The following CLYBL variants were observed in gnomAD, a reference collection of about 807,000 sequenced individuals.
The protein encoded by CLYBL is citramalyl-CoA lyase.
Under a neutral mutation model 38.9 loss-of-function variants are expected in CLYBL, and 31 were observed. The ratio of observed to expected loss-of-function variants is 0.80; its 90% CI spans 0.60 to 1.08. CLYBL has a LOEUF of 1.08. CLYBL is among the 50% of genes least tolerant of loss of function. The pLI, the probability that CLYBL is intolerant of heterozygous loss-of-function variation, is 0.00. For missense variants in CLYBL, 434 were observed against 411.6 expected, an observed-to-expected ratio of 1.05 and a Z score of -0.47; for synonymous variants, 171 against 158.6, an observed-to-expected ratio of 1.08 and a Z score of -0.59.
intron 2 of CLYBL, among the ~76,000 whole-genome samples, chr13:99,789,751 C>A (rs2049876259): frequency 6.6e-6 from 1 of 152,052 alleles, no homozygotes; most frequent in Admixed American, 6.6e-5. Context: ...CCTGGATATC[C>A]TTGTTAACTT....
chr13:99,864,944 T>C, intron 5 of CLYBL, 33 bp downstream of exon 5: 1 of 1,287,958 alleles, frequency 7.8e-7, no homozygotes, highest in South Asian at 1.2e-5. Flanking sequence ...TCTTTTTCTG[T>C]GTGTGTGTGT....
intron 1 of CLYBL, among the ~76,000 whole-genome samples, chr13:99,731,705 G>A (rs957587749): frequency 6.6e-6 from 1 of 152,186 alleles, no homozygotes; most frequent in Non-Finnish European, 1.5e-5. Context: ...ACGTGCTGGG[G>A]CCACATGGAC....
At chr13:99,656,406 C>T (rs143589250) in intron 1 of CLYBL, among the ~76,000 whole-genome samples, 43 of 152,262 alleles carry the variant, frequency 2.8e-4, no homozygotes, top group South Asian at 2.7e-3. Context: ...TCTGTCATCC[C>T]GCCATTTGTC....
At chr13:99,902,016 T>A (rs1566373612), downstream of CLYBL, among the ~76,000 whole-genome samples, 3 of 152,182 alleles carry the variant, frequency 2.0e-5, no homozygotes, top group Non-Finnish European at 2.9e-5. Flanking sequence ...AGGAAGATGA[T>A]GATCTGCAAA....
rs2051289185 is a variant in CLYBL at position 99,849,818 on chromosome 13, T to C, written c.250-9043T>C. ...GCAGCAGAGAGCCAGCACCAGCCAG[T>C]TGCCAGTCAGGGCCAGGGCAAGGCA... On this transcript the variant is annotated intron_variant, in intron 2 of 8. Transcript: ENST00000339105. The surrounding 1 kb of genome is among the most constrained non-coding windows in gnomAD (Gnocchi z 4.9). Among the ~76,000 whole-genome samples the C allele has an allele frequency of 6.6e-6, 1 of 152,150 alleles. No homozygotes were observed. The highest frequency in any genetic ancestry group is 1.5e-5 in the Non-Finnish European group (1 of 68,018).
At chr13:99,659,973 C>G (rs2047385906) in intron 1 of CLYBL, among the ~76,000 whole-genome samples, 1 of 152,254 alleles carries the variant, frequency 6.6e-6, no homozygotes, top group Middle Eastern at 3.4e-3. Context: ...AATAAGGCCA[C>G]ACACGCATTT....
chr13:99,776,069 CAGG>C, intron 2 of CLYBL, among the ~76,000 whole-genome samples: 1 of 151,030 alleles, frequency 6.6e-6, no homozygotes, highest in African/African-American at 2.4e-5. Context: ...GAGGCTGAGG[CAGG>C]AGAATGGTGT....
chr13:99,765,789 C>A (rs1345750251), intron 1 of CLYBL, among the ~76,000 whole-genome samples: 3 of 151,988 alleles, frequency 2.0e-5, no homozygotes, highest in African/African-American at 7.2e-5. Flanking sequence ...AAGCAATCCA[C>A]CCGCCTTGGC....
intron 1 of CLYBL, among the ~76,000 whole-genome samples, chr13:99,704,344 C>T (rs1383475020): frequency 1.3e-5 from 2 of 152,170 alleles, no homozygotes; most frequent in Non-Finnish European, 2.9e-5. Flanking sequence ...TTGATGGTTA[C>T]TTTCTCTTTT....
At position 99,904,890 on chromosome 13, in the gene CLYBL, C is replaced by G. The variant is rs536585953; in HGVS notation, c.*25-380C>G. ...AAAAGAGGCCCTGAAAGGGCAGCCT[C>G]CCTCTTGTAAGAAGCTCAACTGGGA... On this transcript the variant is annotated intron_variant and NMD_transcript_variant, in intron 8 of 9. Transcript: ENST00000689673. Among the ~76,000 whole-genome samples, 4 of 152,352 alleles carry G rather than the reference C, an allele frequency of 2.6e-5. No homozygotes were observed. The South Asian group carries it at 8.3e-4, about 32-fold the overall frequency.
rs568367220 is a variant in CLYBL, at chr13:99,654,422, G to A, written c.62+47665G>A. Among the ~76,000 whole-genome samples the A allele has an allele frequency of 5.3e-5, 8 of 152,240 alleles. 1 individual carries two copies. The highest frequency in any genetic ancestry group is 1.2e-4 in the African/African-American group (5 of 41,546). On this transcript the variant is annotated intron_variant, in intron 1 of 8. Coordinates refer to ENST00000339105, the MANE Select transcript of CLYBL (RefSeq NM_206808.5). The stretch of plus-strand genomic sequence containing the variant: ...CTGGCTGGGGCTCGTGTCCTCCTCC[G>A]TACCCTCATCCCAAGCCCCAGTGCG...
intron 1 of CLYBL, among the ~76,000 whole-genome samples, chr13:99,764,237 T>G (rs970482763): frequency 1.3e-5 from 2 of 151,996 alleles, no homozygotes; most frequent in African/African-American, 4.8e-5. Context: ...TTTTTTTTCT[T>G]TTCTTTTGGG....
At chr13:99,742,866 A>C (rs575489656) in intron 1 of CLYBL, among the ~76,000 whole-genome samples, 1 of 152,124 alleles carries the variant, frequency 6.6e-6, no homozygotes, top group Non-Finnish European at 1.5e-5. Flanking sequence ...TTTGGAAAAC[A>C]TCATCTGTTT....
At chr13:99,656,172 T>C (rs551369881) in intron 1 of CLYBL, among the ~76,000 whole-genome samples, 84 of 152,206 alleles carry the variant, frequency 5.5e-4, no homozygotes, top group African/African-American at 2.0e-3. Context: ...GGTACAGTAA[T>C]CGGATAGAAG....
At chr13:99,778,055 C>G (rs1438787594) in intron 2 of CLYBL, among the ~76,000 whole-genome samples, 2 of 152,184 alleles carry the variant, frequency 1.3e-5, no homozygotes, top group African/African-American at 4.8e-5. Flanking sequence ...GCTTCCTGTT[C>G]TCCATTATCT....
At chr13:99,775,714 G>T (rs775048130) in intron 2 of CLYBL, among the ~76,000 whole-genome samples, 2 of 152,012 alleles carry the variant, frequency 1.3e-5, no homozygotes, top group Non-Finnish European at 2.9e-5. Flanking sequence ...TTGCTGTGTT[G>T]CCCAGGCTGT....
At chr13:99,842,684 G>A (rs989854026) in intron 2 of CLYBL, among the ~76,000 whole-genome samples, 2 of 150,880 alleles carry the variant, frequency 1.3e-5, no homozygotes, top group African/African-American at 4.9e-5. Flanking sequence ...ACAGGAAATG[G>A]GAGTTTAAAT....
chr13:99,656,249 G>C (rs189357365), intron 1 of CLYBL, among the ~76,000 whole-genome samples: 1 of 152,234 alleles, frequency 6.6e-6, no homozygotes, highest in African/African-American at 2.4e-5. Flanking sequence ...CAGACCTTAG[G>C]GTGGCGTGTT....
chr13:99,618,387 T>G (rs2793765), intron 1 of CLYBL, among the ~76,000 whole-genome samples: 53,176 of 151,816 alleles, frequency 0.35, 9,812 homozygotes, highest in Middle Eastern at 0.41. Context: ...CTCCTGCCTC[T>G]GCCTCCGAGT....
Sources: allele counts gnomAD v4.1 joint callset (sites outside exome capture counted in the v4.1 genomes callset), GRCh38; gene constraint gnomAD v4.1.1; non-coding constraint Gnocchi (gnomAD v3.1); transcripts MANE v1.5; gene names NCBI Gene and HGNC (gene_info 2026-07-23, HGNC 2026-07-21).